MAP7: variants seen among roughly 807,000 people sequenced by gnomAD.
MAP7 encodes ensconsin.
Under a neutral mutation model 94.8 loss-of-function variants are expected in MAP7, and 52 were observed. The ratio of observed to expected loss-of-function variants is 0.55; its 90% CI spans 0.44 to 0.69. The LOEUF is 0.69. Ranked by LOEUF, MAP7 falls within the 30% of genes least tolerant of loss-of-function variation. The pLI is 0.00. For synonymous variants in MAP7, 350 were observed against 357.0 expected, an observed-to-expected ratio of 0.98 and a Z score of 0.22; for missense variants, 940 against 964.6, an observed-to-expected ratio of 0.97 and a Z score of 0.34.
intron 3 of MAP7, among the ~76,000 whole-genome samples, chr6:136,390,726 T>C (rs1390849571): frequency 6.6e-6 from 1 of 152,118 alleles, no homozygotes; most frequent in Non-Finnish European, 1.5e-5. Context: ...CCTCTAAATG[T>C]TTAATATTAA....
intron 7 of MAP7, 75 bp from the exon 8 acceptor site, chr6:136,372,700 G>A: frequency 6.3e-7 from 1 of 1,597,728 alleles, no homozygotes; most frequent in South Asian, 1.1e-5. Context: ...AGGAGCAGTT[G>A]AAGAAAGCCA....
intron 1 of MAP7, among the ~76,000 whole-genome samples, chr6:136,535,785 T>C (rs1828834024): frequency 6.6e-6 from 1 of 151,804 alleles, no homozygotes; most frequent in African/African-American, 2.4e-5. Flanking sequence ...CTAGTGTACA[T>C]GTGCACAATG....
Position 136,362,629 on chromosome 6 carries a change from G to A in MAP7, c.1347C>T (p.Pro449=), listed in dbSNP as rs147462374. The part of the protein sequence containing the change: ...PASAPAPAPV[P]TPAMVSAPSS... ...ACGGGGCTGAGACCATGGCTGGGGT[G>A]GGGACCGGGGCTGGAGCTGGGGCCG... The change falls in exon 11 of 18, where the codon CCC becomes CCT. Residue 449 remains proline, a synonymous_variant. Transcript: ENST00000354570. 1.3e-4 allele frequency: 203 copies of A among 1,612,530 alleles called. No homozygotes were observed. In the African/African-American group the frequency reaches 2.3e-3, roughly 18 times the overall value.
At chr6:136,349,860 T>C (rs1343933462) in intron 16 of MAP7, among the ~76,000 whole-genome samples, 1 of 152,056 alleles carries the variant, frequency 6.6e-6, no homozygotes, top group Non-Finnish European at 1.5e-5. Context: ...TCAGGATACT[T>C]CTGGTACAGA....
At chr6:136,457,145 A>G (rs1364027310) in intron 1 of MAP7, among the ~76,000 whole-genome samples, 1 of 151,912 alleles carries the variant, frequency 6.6e-6, no homozygotes, top group African/African-American at 2.4e-5. Context: ...AAAAAGGACC[A>G]TAAAAGGCTA....
intron 3 of MAP7, among the ~76,000 whole-genome samples, chr6:136,393,630 C>T (rs538359626): frequency 6.6e-6 from 1 of 152,070 alleles, no homozygotes; most frequent in South Asian, 2.1e-4. Context: ...TTTCTTCTAT[C>T]TATGTATCTA....
At chr6:136,466,166 T>C (rs539100981) in intron 1 of MAP7, among the ~76,000 whole-genome samples, 48 of 152,246 alleles carry the variant, frequency 3.2e-4, no homozygotes, top group African/African-American at 1.1e-3. Context: ...ACAAATAATG[T>C]TTCTGATATA....
intron 1 of MAP7, among the ~76,000 whole-genome samples, chr6:136,525,405 T>A (rs1827559489): frequency 6.6e-6 from 1 of 152,162 alleles, no homozygotes; most frequent in African/African-American, 2.4e-5. Flanking sequence ...TGAGTCACTT[T>A]AACTCATCCT....
chr6:136,459,113 G>A (rs968106536), intron 1 of MAP7, among the ~76,000 whole-genome samples: 6 of 151,996 alleles, frequency 3.9e-5, no homozygotes, highest in African/African-American at 1.4e-4. Context: ...TTTCTCCAAC[G>A]ACAACATACA....
intron 17 of MAP7, among the ~76,000 whole-genome samples, chr6:136,345,433 C>G (rs1787402398): frequency 6.6e-6 from 1 of 152,194 alleles, no homozygotes. Context: ...TGATGGCAGT[C>G]TTCAAATACA....
At position 136,421,789 on chromosome 6, in the gene MAP7, G is replaced by A; in HGVS notation, c.78C>T (p.Ser26=). ...GAVRSETAPD[S]YKVQDKKNAS... ...CATTTTTCTTATCTTGCACTTTGTA[G>A]CTGTCGGGTGCTACAGAAATGAGAC... Residue 26 remains serine (S), a synonymous_variant, in exon 2 of 18, where the codon AGC becomes AGT. Transcript: ENST00000354570. 2 of 1,606,948 alleles carry A rather than the reference G, an allele frequency of 1.2e-6. No individual in the cohort carries two copies. Among genetic ancestry groups the A allele is most frequent in the Non-Finnish European group, 1.7e-6 (2 of 1,178,042 alleles).
intron 1 of MAP7, among the ~76,000 whole-genome samples, chr6:136,544,965 C>T (rs550248532): frequency 4.4e-4 from 67 of 152,292 alleles, no homozygotes; most frequent in African/African-American, 1.5e-3. Context: ...AGGTCCTCCT[C>T]ATGAATATTT....
intron 16 of MAP7, among the ~76,000 whole-genome samples, chr6:136,355,562 CATTACATTATAAA>C (rs3839506): frequency 0.025 from 3,821 of 152,090 alleles, 64 homozygotes; most frequent in Admixed American, 0.045. Context: ...TAAAATGTTA[CATTACATTATAAA>C]ATTACATTAT....
intron 1 of MAP7, among the ~76,000 whole-genome samples, chr6:136,464,447 C>G (rs1806281344): frequency 6.6e-6 from 1 of 152,216 alleles, no homozygotes; most frequent in Non-Finnish European, 1.5e-5. Context: ...GTTATAACTG[C>G]TCTATTTTAT....
intron 1 of MAP7, among the ~76,000 whole-genome samples, chr6:136,486,858 G>C (rs1814945397): frequency 6.6e-6 from 1 of 152,008 alleles, no homozygotes; most frequent in African/African-American, 2.4e-5. Flanking sequence ...TAAACAAAAT[G>C]GCAAATGTTA....
At chr6:136,521,058 A>T (rs372518438) in intron 1 of MAP7, among the ~76,000 whole-genome samples, 62 of 152,314 alleles carry the variant, frequency 4.1e-4, no homozygotes, top group African/African-American at 1.4e-3. Flanking sequence ...TGGAGCACGC[A>T]TGACCCATCT....
chr6:136,374,370 C>T (rs571059122), intron 7 of MAP7, among the ~76,000 whole-genome samples: 50 of 152,268 alleles, frequency 3.3e-4, no homozygotes, highest in South Asian at 2.5e-3. Context: ...AAAATTCTTC[C>T]AAGCCAATCA....
intron 1 of MAP7, among the ~76,000 whole-genome samples, chr6:136,504,670 A>G (rs1015435935): frequency 2.0e-5 from 3 of 151,090 alleles, no homozygotes; most frequent in Admixed American, 2.0e-4. Flanking sequence ...ATCTTTTAAT[A>G]TAAAATATTT....
At chr6:136,377,414 A>C (rs1454918093) in intron 7 of MAP7, among the ~76,000 whole-genome samples, 1 of 152,198 alleles carries the variant, frequency 6.6e-6, no homozygotes, top group African/African-American at 2.4e-5. Context: ...TTAAATGTTA[A>C]ATTATTTCTA....
Sources: allele counts gnomAD v4.1 joint callset (sites outside exome capture counted in the v4.1 genomes callset), GRCh38; gene constraint gnomAD v4.1.1; transcripts MANE v1.5; gene names NCBI Gene and HGNC (gene_info 2026-07-23, HGNC 2026-07-21).